The following PPFIA2 variants were observed in gnomAD, a reference collection of about 807,000 sequenced individuals.
PPFIA2 encodes liprin-alpha-2.
In PPFIA2, 46 loss-of-function variants were observed where a neutral mutation model predicts 175.5. The observed-to-expected ratio is 0.26, with a 90% CI of 0.21 to 0.34. PPFIA2 has a LOEUF of 0.34. Among genes scored for constraint, PPFIA2 ranks in the 10% least tolerant of loss-of-function variants. The pLI is 1.00. For synonymous variants in PPFIA2, 568 were observed against 511.4 expected (o/e 1.11, Z -1.49); for missense variants, 1,179 against 1,506.1 (o/e 0.78, Z 3.60).
At chr12:81,604,956 C>T (rs1461930691) in intron 4 of PPFIA2, among the ~76,000 whole-genome samples, 1 of 151,566 alleles carries the variant, frequency 6.6e-6, no homozygotes, top group Non-Finnish European at 1.5e-5. Flanking sequence ...AGAGAAGACC[C>T]CAAGAAATTA....
intron 7 of PPFIA2, among the ~76,000 whole-genome samples, chr12:81,435,403 G>A (rs567715739): frequency 6.6e-6 from 1 of 152,288 alleles, no homozygotes; most frequent in Admixed American, 6.5e-5. Context: ...TATAAACTTT[G>A]AGCTATAGAT....
At chr12:81,608,415 A>G (rs911787243) in intron 4 of PPFIA2, among the ~76,000 whole-genome samples, 25 of 152,158 alleles carry the variant, frequency 1.6e-4, no homozygotes, top group Non-Finnish European at 2.9e-4. Context: ...CTGTGAATCC[A>G]TCTGGTCCAG....
intron 4 of PPFIA2, among the ~76,000 whole-genome samples, chr12:81,639,508 C>CACAATT (rs2064643929): frequency 6.6e-6 from 1 of 151,478 alleles, no homozygotes; most frequent in Non-Finnish European, 1.5e-5. Flanking sequence ...TCTTTTTAAC[C>CACAATT]ACAATTACAA....
At chr12:81,587,828 T>G (rs2075507791) in intron 4 of PPFIA2, among the ~76,000 whole-genome samples, 1 of 152,068 alleles carries the variant, frequency 6.6e-6, no homozygotes, top group Non-Finnish European at 1.5e-5. Flanking sequence ...AGAGGCCTAG[T>G]GTTTTTCTCA....
chr12:81,666,757 A>G (rs570059328), intron 4 of PPFIA2, among the ~76,000 whole-genome samples: 2 of 152,264 alleles, frequency 1.3e-5, no homozygotes, highest in South Asian at 4.1e-4. Context: ...AACTTAAAGT[A>G]TAATAAAAAA....
Position 81,311,095 on chromosome 12 carries a change from T to G in PPFIA2, c.2643-11713A>C, listed in dbSNP as rs368274905. ...GCTCACCATGTTACAAATGCAGTAG[T>G]CTACACCAATGTAAATATTATGCAT... On this transcript the variant is annotated intron_variant, in intron 22 of 32. Transcript: ENST00000549396. Among the ~76,000 whole-genome samples the G allele has an allele frequency of 3.9e-5, 6 of 152,332 alleles. No individual in the cohort carries two copies. In the East Asian group the frequency reaches 5.8e-4, roughly 15 times the overall value.
In PPFIA2 at chr12:81,272,014, A is replaced by T. The variant is rs541303170; in HGVS notation, c.3311-3927T>A. ...TGATGGACATACTTCAAAGTAAGTTAGTTTGATTCAGCATTTTAAGGTAAT... is the reference window on the plus strand; with the variant it reads ...TGATGGACATACTTCAAAGTAAGTTTGTTTGATTCAGCATTTTAAGGTAAT... On this transcript the variant is annotated intron_variant, in intron 28 of 32. Coordinates refer to ENST00000549396, the MANE Select transcript of PPFIA2 (RefSeq NM_003625.5). Among the ~76,000 whole-genome samples the T allele has an allele frequency of 5.3e-5, 8 of 152,242 alleles. No homozygotes were observed. In the South Asian group the frequency reaches 1.5e-3, roughly 28 times the overall value.
rs546789964 is a variant in PPFIA2, at chr12:81,464,819, T to C, written c.304-6953A>G. Among the ~76,000 whole-genome samples, 11 of 151,894 alleles carry C rather than the reference T, an allele frequency of 7.2e-5. No individual in the cohort carries two copies. In the South Asian group the frequency reaches 2.1e-3, roughly 29 times the overall value. ...ATTCTCAGACAGACACAGAGCATTC[T>C]ATTTTTATACAGGTTCATCTTTAAA... On this transcript the variant is annotated intron_variant, in intron 4 of 32. Transcript: ENST00000549396.
chr12:81,717,421 G>T (rs1210940968), intron 3 of PPFIA2, among the ~76,000 whole-genome samples: 3 of 151,556 alleles, frequency 2.0e-5, no homozygotes, highest in Non-Finnish European at 3.0e-5. Flanking sequence ...ATCCAACACT[G>T]GTGGATAATA....
chr12:81,653,588 C>T (rs1365312040), intron 4 of PPFIA2, among the ~76,000 whole-genome samples: 1 of 152,022 alleles, frequency 6.6e-6, no homozygotes, highest in African/African-American at 2.4e-5. Context: ...TCTCCTGCAC[C>T]AGTCATTAGA....
intron 4 of PPFIA2, among the ~76,000 whole-genome samples, chr12:81,588,505 C>G (rs977709974): frequency 6.6e-6 from 1 of 151,996 alleles, no homozygotes; most frequent in Non-Finnish European, 1.5e-5. Context: ...CTCAGGCAGA[C>G]CTCTTTCCTG....
intron 4 of PPFIA2, among the ~76,000 whole-genome samples, chr12:81,662,632 G>C (rs375322410): frequency 6.6e-6 from 1 of 152,164 alleles, no homozygotes; most frequent in East Asian, 1.9e-4. Flanking sequence ...ACAAGGAGGA[G>C]CTGGTACCAT....
At chr12:81,436,044 G>A (rs988328698) in intron 7 of PPFIA2, among the ~76,000 whole-genome samples, 1 of 151,688 alleles carries the variant, frequency 6.6e-6, no homozygotes, top group Non-Finnish European at 1.5e-5. Context: ...TTGGGAGGCC[G>A]AGTTGGGCAG....
chr12:81,572,119 G>C (rs2072666075), intron 4 of PPFIA2, among the ~76,000 whole-genome samples: 5 of 151,972 alleles, frequency 3.3e-5, no homozygotes, highest in Admixed American at 3.3e-4. Context: ...TGCTTTGTTA[G>C]GACATGTCAA....
At chr12:81,488,616 G>T (rs1384090245) in intron 4 of PPFIA2, among the ~76,000 whole-genome samples, 3 of 151,762 alleles carry the variant, frequency 2.0e-5, no homozygotes, top group African/African-American at 7.3e-5. Context: ...TGTTTCTTCT[G>T]TTTAAGGTGC....
At chr12:81,385,904 T>C (rs1463595976) in intron 8 of PPFIA2, among the ~76,000 whole-genome samples, 1 of 152,266 alleles carries the variant, frequency 6.6e-6, no homozygotes, top group East Asian at 1.9e-4. Flanking sequence ...TTAACTTGAT[T>C]GAATCATTCC....
At chr12:81,633,873 T>C (rs565056388) in intron 4 of PPFIA2, among the ~76,000 whole-genome samples, 3 of 152,064 alleles carry the variant, frequency 2.0e-5, no homozygotes, top group Non-Finnish European at 2.9e-5. Flanking sequence ...GAGAGGTTGC[T>C]TATGTTTATA....
At position 81,294,888 on chromosome 12, in the gene PPFIA2, T is replaced by C; in HGVS notation, c.2872A>G (p.Ile958Val). 1 of 1,613,584 alleles carries C rather than the reference T, an allele frequency of 6.2e-7. No homozygotes were observed. The highest frequency in any genetic ancestry group is 8.5e-7 in the Non-Finnish European group (1 of 1,179,706). The change falls in exon 24 of 33, where the codon ATC (isoleucine) becomes GTC (valine). Residue 958 changes from isoleucine to valine, a missense_variant. By Grantham distance (29) the Ile-to-Val change is conservative. Transcript: ENST00000549396. ...PLHRLKLRLA[I>V]QEMVSLTSPS... ...CTTGTTAGGGAAACCATCTCCTGGA[T>C]TGCTAATCGAAGTTTTAAGCGATGC...
chr12:81,581,200 A>G lies in PPFIA2; in HGVS notation c.303+95591T>C, dbSNP rs115378173. Among the ~76,000 whole-genome samples the G allele has an allele frequency of 9.5e-3, 1,441 of 151,396 alleles. 25 individuals carry two copies. The highest frequency in any genetic ancestry group is 0.032 in the African/African-American group (1,341 of 41,274). On this transcript the variant is annotated intron_variant, in intron 4 of 32. Transcript: ENST00000549396. ...GAAATCTAAAATCTCCTTGAGCACA[A>G]TCTGTGGTGTACCTTGTTATAGCAG...
Sources: allele counts gnomAD v4.1 joint callset (sites outside exome capture counted in the v4.1 genomes callset), GRCh38; gene constraint gnomAD v4.1.1; transcripts MANE v1.5; gene names NCBI Gene and HGNC (gene_info 2026-07-23, HGNC 2026-07-21).